Variants in RAD51B observed in about 807,000 individuals in gnomAD.
The protein encoded by RAD51B is RAD51 paralog B, also known as DNA repair protein RAD51 homolog 2.
Under a neutral mutation model 42.2 loss-of-function variants are expected in RAD51B, and 38 were observed. The observed-to-expected ratio is 0.90, with a 90% confidence interval of 0.70 to 1.18. The LOEUF (loss-of-function observed/expected upper bound fraction) is 1.18, where lower values mean the gene tolerates loss of function less well. RAD51B is among the 50% of genes most tolerant of loss of function. RAD51B has a pLI of 0.00. For synonymous variants in RAD51B, 154 were observed against 145.2 expected, an observed-to-expected ratio of 1.06 and a Z score of -0.43; for missense variants, 373 against 400.7, an observed-to-expected ratio of 0.93 and a Z score of 0.59.
intron 8 of RAD51B, among the ~76,000 whole-genome samples, chr14:68,301,590 GT>G (rs2081737509): frequency 8.9e-6 from 1 of 111,978 alleles, no homozygotes; most frequent in East Asian, 2.6e-4. Flanking sequence ...TTTTGTTTGT[GT>G]GTTTTTTTTT....
intron 7 of RAD51B, among the ~76,000 whole-genome samples, chr14:68,260,318 T>TGTGGGGGGGGGGGGGGGGGG (rs1049368684): frequency 7.8e-6 from 1 of 128,042 alleles, no homozygotes; most frequent in African/African-American, 4.9e-5. Context: ...TGTGTGTGTG[T>TGTGGGGGGGGGGGGGGGGGG]GGAGAGGGGA....
exon 11 of RAD51B, chr14:68,611,216 G>C (rs1230539601): frequency 2.8e-6 from 2 of 702,896 alleles, no homozygotes; most frequent in East Asian, 2.7e-5. Flanking sequence ...ACTGGAATCA[G>C]AACAGAGACT....
intron 7 of RAD51B, among the ~76,000 whole-genome samples, chr14:68,187,422 A>T (rs1463493537): frequency 2.0e-5 from 3 of 152,202 alleles, no homozygotes; most frequent in Non-Finnish European, 2.9e-5. Context: ...CCACATAGAA[A>T]TGTGGGAAAC....
Position 68,652,535 on chromosome 14 carries a change from G to C in RAD51B, c.*11+1679G>C, listed in dbSNP as rs78796482. On this transcript the variant is annotated intron_variant, in intron 11 of 11. Coordinates refer to the RAD51B transcript ENST00000488612. ...GGACCCTCGGCCATGCGTGCTGTGC[G>C]TTCTTGCCCAACCTTCACTTACTCG... Among the ~76,000 whole-genome samples the C allele has an allele frequency of 8.6e-3, 1,313 of 152,334 alleles. 22 individuals carry two copies. The highest frequency in any genetic ancestry group is 0.03 in the African/African-American group (1,237 of 41,570).
At chr14:68,662,396 C>A (rs1892951663) in intron 11 of RAD51B, among the ~76,000 whole-genome samples, 1 of 152,238 alleles carries the variant, frequency 6.6e-6, no homozygotes, top group Admixed American at 6.5e-5. Flanking sequence ...TTAGGAGATT[C>A]TAATTCTGTT....
chr14:68,670,898 T>C (rs1159832336), intron 11 of RAD51B, among the ~76,000 whole-genome samples: 1 of 152,164 alleles, frequency 6.6e-6, no homozygotes, highest in Non-Finnish European at 1.5e-5. Flanking sequence ...GAAATGCTAC[T>C]AGCCAAGGCG....
At chr14:68,027,956 G>T (rs535668368) in intron 7 of RAD51B, among the ~76,000 whole-genome samples, 15 of 152,206 alleles carry the variant, frequency 9.9e-5, no homozygotes, top group African/African-American at 3.6e-4. Flanking sequence ...GAAGTTTGGT[G>T]TTTCTTTATC....
chr14:68,205,611 C>G (rs1325121201), intron 7 of RAD51B, among the ~76,000 whole-genome samples: 2 of 151,048 alleles, frequency 1.3e-5, no homozygotes, highest in Non-Finnish European at 2.9e-5. Context: ...CTTTTCTTTT[C>G]TTTTCTTTTT....
intron 7 of RAD51B, among the ~76,000 whole-genome samples, chr14:67,995,150 G>A (rs942611720): frequency 1.3e-5 from 2 of 152,118 alleles, no homozygotes; most frequent in Non-Finnish European, 2.9e-5. Flanking sequence ...CACTTTGGGA[G>A]GCTGAGGTGG....
chr14:68,099,774 T>C (rs559553598), intron 7 of RAD51B, among the ~76,000 whole-genome samples: 1 of 152,332 alleles, frequency 6.6e-6, no homozygotes, highest in East Asian at 1.9e-4. Context: ...GGGAACTTAA[T>C]GCTGCGGTTG....
chr14:68,458,361 T>C (rs1377314556), intron 9 of RAD51B, among the ~76,000 whole-genome samples: 1 of 152,198 alleles, frequency 6.6e-6, no homozygotes, highest in Non-Finnish European at 1.5e-5. Context: ...CATAATAAAA[T>C]GTTGAGGAAA....
At chr14:68,005,147 A>G (rs529036601) in intron 7 of RAD51B, among the ~76,000 whole-genome samples, 2 of 135,318 alleles carry the variant, frequency 1.5e-5, no homozygotes, top group African/African-American at 5.7e-5. Flanking sequence ...TCCGCATCCC[A>G]CGTTCAAACA....
exon 11 of RAD51B, chr14:68,595,173 C>T (rs148448726): frequency 1.9e-6 from 2 of 1,065,648 alleles, no homozygotes; most frequent in African/African-American, 3.3e-5. Context: ...CAATTATCCA[C>T]TCTAATGGAG....
At chr14:68,679,754 C>T (rs1893387510) in intron 11 of RAD51B, among the ~76,000 whole-genome samples, 1 of 152,196 alleles carries the variant, frequency 6.6e-6, no homozygotes. Flanking sequence ...TGCTCTCTCT[C>T]CAGGAATTAG....
In RAD51B at chr14:67,953,368, G is replaced by A. The variant is rs2074489145; in HGVS notation, c.756+66164G>A. Among the ~76,000 whole-genome samples, 6 of 152,214 alleles carry A rather than the reference G, an allele frequency of 3.9e-5. No individual in the cohort carries two copies. In the South Asian group the frequency reaches 1.2e-3, roughly 32 times the overall value. On this transcript the variant is annotated intron_variant, in intron 7 of 10. Coordinates refer to ENST00000471583, the MANE Select transcript of RAD51B (RefSeq NM_133510.4). ...AACAGGAAGCCTGATTTAGGGTGAA[G>A]TATAACTTTTATAGAGGAGAATGGT...
At chr14:68,265,521 A>G (rs963764735) in intron 7 of RAD51B, among the ~76,000 whole-genome samples, 1 of 152,286 alleles carries the variant, frequency 6.6e-6, no homozygotes, top group Admixed American at 6.5e-5. Flanking sequence ...AGGCTGAGGC[A>G]GGTGGAACAC....
rs1214949980 is a variant in RAD51B, at chr14:67,940,022, GCATATATATATA to G, written c.756+52819_756+52830del. 6.8e-4 allele frequency among the ~76,000 whole-genome samples: 13 copies of G among 19,208 alleles called. No individual in the cohort carries two copies. In the Admixed American group the frequency reaches 9.6e-3, roughly 14 times the overall value. 12.6% of individuals were successfully genotyped at this position (19,208 alleles called of 152,430 possible). On this transcript the variant is annotated intron_variant, in intron 7 of 10. Coordinates refer to ENST00000471583, the MANE Select transcript of RAD51B (RefSeq NM_133510.4). Reference sequence around the variant, plus strand: ...TATAAAACTGTAACATTTGATAGATGCATATATATATATATATATATATATATATATATTTTT... The same window carrying G: ...TATAAAACTGTAACATTTGATAGATGTATATATATATATATATATATTTTT...
At chr14:67,876,052 G>A (rs995055331) in intron 5 of RAD51B, among the ~76,000 whole-genome samples, 5 of 152,070 alleles carry the variant, frequency 3.3e-5, no homozygotes, top group African/African-American at 7.2e-5. Flanking sequence ...GAATTAGTGG[G>A]GAGGGAGATC....
chr14:68,088,908 C>T (rs925022873), intron 7 of RAD51B, among the ~76,000 whole-genome samples: 2 of 152,076 alleles, frequency 1.3e-5, no homozygotes, highest in Middle Eastern at 3.4e-3. Flanking sequence ...AATGAAATAC[C>T]TTCTTATGCT....
Sources: allele counts gnomAD v4.1 joint callset (sites outside exome capture counted in the v4.1 genomes callset), GRCh38; gene constraint gnomAD v4.1.1; transcripts MANE v1.5; gene names NCBI Gene and HGNC (gene_info 2026-07-23, HGNC 2026-07-21).